ANGPT1: variants seen among roughly 807,000 people sequenced by gnomAD.
ANGPT1 encodes angiopoietin 1, also known as angiopoietin-1.
In ANGPT1, 17 loss-of-function variants were observed where a neutral mutation model predicts 62.2. That is an observed-to-expected ratio of 0.27 (90% CI 0.19 to 0.41). The LOEUF (loss-of-function observed/expected upper bound fraction) is 0.41, where lower values mean the gene tolerates loss of function less well. Ranked by LOEUF, ANGPT1 falls within the 10% of genes least tolerant of loss-of-function variation. The probability of loss-of-function intolerance (pLI) is 1.00; values close to 1 mark genes in which losing one functional copy is unlikely to be tolerated. For missense variants in ANGPT1, 478 were observed against 594.9 expected (o/e 0.80, Z 2.04); for synonymous variants, 199 against 198.9 (o/e 1.00, Z 0.00).
chr8:107,326,554 T>C (rs1010889555), intron 3 of ANGPT1, among the ~76,000 whole-genome samples: 2 of 152,122 alleles, frequency 1.3e-5, no homozygotes, highest in Non-Finnish European at 2.9e-5. Context: ...CTCTCTTCTC[T>C]TTGATTCCTC....
chr8:107,342,877 C>T (rs1815724567), intron 2 of ANGPT1, among the ~76,000 whole-genome samples: 1 of 151,324 alleles, frequency 6.6e-6, no homozygotes, highest in Non-Finnish European at 1.5e-5. Context: ...GCTCTGTCAA[C>T]CATGCTGGAG....
chr8:107,270,195 TC>T (rs140621383), intron 7 of ANGPT1, among the ~76,000 whole-genome samples: 386 of 152,190 alleles, frequency 2.5e-3, no homozygotes, highest in African/African-American at 9.0e-3. Context: ...CATTTTTGCA[TC>T]TTCACCATAC....
At chr8:107,300,900 G>T (rs1294132959) in intron 5 of ANGPT1, among the ~76,000 whole-genome samples, 1 of 151,820 alleles carries the variant, frequency 6.6e-6, no homozygotes, top group Non-Finnish European at 1.5e-5. Context: ...GGAGTAAATT[G>T]GATTCTCCAA....
intron 1 of ANGPT1, among the ~76,000 whole-genome samples, chr8:107,452,659 A>G (rs1811809966): frequency 6.6e-6 from 1 of 151,936 alleles, no homozygotes; most frequent in African/African-American, 2.4e-5. Flanking sequence ...TCATATACAT[A>G]TTTCTTAAAT....
chr8:107,381,131 G>A (rs1158629704), intron 1 of ANGPT1, among the ~76,000 whole-genome samples: 2 of 152,142 alleles, frequency 1.3e-5, no homozygotes, highest in African/African-American at 4.8e-5. Flanking sequence ...GATGGCCATT[G>A]GCTCTCTTTC....
chr8:107,284,615 T>C (rs531383603), intron 7 of ANGPT1, 67 bp downstream of exon 7: 15 of 1,276,636 alleles, frequency 1.2e-5, no homozygotes, highest in Admixed American at 5.6e-5. Context: ...TTTTTCATAT[T>C]TTCCCACTAC....
chr8:107,429,268 G>A (rs796070971), intron 1 of ANGPT1, among the ~76,000 whole-genome samples: 1 of 152,154 alleles, frequency 6.6e-6, no homozygotes, highest in South Asian at 2.1e-4. Flanking sequence ...ACACAGTGAG[G>A]CACTCATAAG....
At chr8:107,434,027 TATC>T (rs1811271349) in intron 1 of ANGPT1, among the ~76,000 whole-genome samples, 1 of 152,210 alleles carries the variant, frequency 6.6e-6, no homozygotes, top group Non-Finnish European at 1.5e-5. Context: ...AGTTTCAAAA[TATC>T]ATACTCAGTG....
chr8:107,382,583 A>G (rs1450903325), intron 1 of ANGPT1, among the ~76,000 whole-genome samples: 2 of 152,144 alleles, frequency 1.3e-5, no homozygotes, highest in Non-Finnish European at 2.9e-5. Context: ...TCCATGGCAT[A>G]AATACTTCCC....
chr8:107,324,418 T>C (rs949289604), intron 3 of ANGPT1, among the ~76,000 whole-genome samples: 5 of 151,556 alleles, frequency 3.3e-5, no homozygotes, highest in South Asian at 2.1e-4. Context: ...AGGGAAAAGG[T>C]TGTGTAAAGA....
In ANGPT1 at chr8:107,332,408, C is replaced by G. The variant is rs11996849; in HGVS notation, c.575+3742G>C. Among the ~76,000 whole-genome samples the G allele has an allele frequency of 6.6e-3, 1,011 of 152,194 alleles. 12 individuals are homozygous for G. Among genetic ancestry groups the G allele is most frequent in the African/African-American group, 0.023 (972 of 41,506 alleles). ...TTGCCTAAAGAGAGCAAACTGGAAG[C>G]TTTTTAGAGTGACTCCCTCTGGACT... On this transcript the variant is annotated intron_variant, in intron 3 of 8. Coordinates refer to ENST00000517746, the MANE Select transcript of ANGPT1 (RefSeq NM_001146.5).
At chr8:107,489,585 G>A (rs967940149) in intron 1 of ANGPT1, among the ~76,000 whole-genome samples, 11 of 152,098 alleles carry the variant, frequency 7.2e-5, no homozygotes, top group African/African-American at 2.4e-4. Context: ...AAGACCAAAT[G>A]AATCTAAAGC....
intron 6 of ANGPT1, among the ~76,000 whole-genome samples, chr8:107,289,325 C>A (rs1294323047): frequency 1.3e-5 from 2 of 152,068 alleles, no homozygotes; most frequent in Admixed American, 1.3e-4. Flanking sequence ...TTGGTTTGTG[C>A]TTTTCCAAGT....
At chr8:107,342,665 C>A (rs1815717969) in intron 2 of ANGPT1, among the ~76,000 whole-genome samples, 1 of 152,008 alleles carries the variant, frequency 6.6e-6, no homozygotes, top group African/African-American at 2.4e-5. Flanking sequence ...TTTTCCTAAA[C>A]CTTGTAAGAA....
At chr8:107,370,176 G>GAAAAAAGA (rs1291848259) in intron 1 of ANGPT1, among the ~76,000 whole-genome samples, 1 of 86,016 alleles carries the variant, frequency 1.2e-5, no homozygotes, top group African/African-American at 4.3e-5. Context: ...AAGAGAGAAA[G>GAAAAAAGA]AAGAAAGAAA....
chr8:107,367,188 T>C (rs1008596250), intron 1 of ANGPT1, among the ~76,000 whole-genome samples: 1 of 152,190 alleles, frequency 6.6e-6, no homozygotes, highest in Non-Finnish European at 1.5e-5. Flanking sequence ...ATAAAGCAAA[T>C]AGTGCAATAA....
intron 3 of ANGPT1, among the ~76,000 whole-genome samples, chr8:107,328,989 G>A (rs1168631335): frequency 6.6e-6 from 1 of 151,892 alleles, no homozygotes; most frequent in East Asian, 1.9e-4. Context: ...TCTTGAAAAT[G>A]AATGAGGTAT....
intron 1 of ANGPT1, among the ~76,000 whole-genome samples, chr8:107,418,715 C>G (rs1183690787): frequency 1.3e-5 from 2 of 152,082 alleles, no homozygotes; most frequent in Non-Finnish European, 2.9e-5. Flanking sequence ...TGATAAAAAT[C>G]TGGCTCATGA....
In ANGPT1 at chr8:107,366,474, A is replaced by G. The variant is rs147893322; in HGVS notation, c.298-19377T>C. Among the ~76,000 whole-genome samples the G allele has an allele frequency of 2.1e-3, 327 of 152,324 alleles. 3 individuals carry two copies. The highest frequency in any genetic ancestry group is 7.1e-3 in the African/African-American group (296 of 41,588). On this transcript the variant is annotated intron_variant, in intron 1 of 8. Transcript: ENST00000517746. The stretch of plus-strand genomic sequence containing the variant: ...AAAAATATAACTGGCAAAACCTGAA[A>G]TACGTTTGCTGTGTTTTTTTAAGAT...
Sources: allele counts gnomAD v4.1 joint callset (sites outside exome capture counted in the v4.1 genomes callset), GRCh38; gene constraint gnomAD v4.1.1; transcripts MANE v1.5; gene names NCBI Gene and HGNC (gene_info 2026-07-23, HGNC 2026-07-21).